The following CDIN1 variants were observed in gnomAD, a reference collection of about 807,000 sequenced individuals.
The protein encoded by CDIN1 is CDAN1 interacting nuclease 1, also known as CDAN1-interacting nuclease 1.
In CDIN1, 33 loss-of-function variants were observed where a neutral mutation model predicts 45.3. The ratio of observed to expected loss-of-function variants is 0.73; its 90% CI spans 0.55 to 0.97. The LOEUF is 0.97. Among genes scored for constraint, CDIN1 ranks in the 50% least tolerant of loss-of-function variants. CDIN1 has a pLI of 0.00. For synonymous variants in CDIN1, 118 were observed against 124.4 expected (o/e 0.95, Z 0.34); for missense variants, 303 against 339.4 (o/e 0.89, Z 0.84).
chr15:36,695,262 A>T (rs2042381662), intron 7 of CDIN1, among the ~76,000 whole-genome samples: 1 of 152,138 alleles, frequency 6.6e-6, no homozygotes, highest in Non-Finnish European at 1.5e-5. Context: ...GCAGTGCATG[A>T]TCAGAATCAG....
At position 36,579,660 on chromosome 15, in the gene CDIN1, G is replaced by C; in HGVS notation, c.-201G>C. The C allele has an allele frequency of 1.9e-6, 1 of 537,174 alleles. No individual in the cohort carries two copies. 33.3% of individuals were successfully genotyped at this position (537,174 alleles called of 1,614,324 possible). ...TACAGCCAGTCCCCGCCGCGGAGGT[G>C]CCGGTGGAGCCTGGGACCGGGCGAG... is the stretch of plus-strand genomic sequence containing the variant. On this transcript the variant is annotated 5_prime_UTR_variant, in exon 1 of 11. Transcript: ENST00000566621.
chr15:36,744,012 A>G (rs2140947968), intron 10 of CDIN1, among the ~76,000 whole-genome samples: 1 of 148,766 alleles, frequency 6.7e-6, no homozygotes, highest in Non-Finnish European at 1.5e-5. Context: ...GTCTCTGAAA[A>G]TTTTGGTTTT....
chr15:36,755,146 T>C (rs2053576138), intron 10 of CDIN1, among the ~76,000 whole-genome samples: 2 of 152,164 alleles, frequency 1.3e-5, no homozygotes, highest in African/African-American at 4.8e-5. Context: ...ATTTTTGAAA[T>C]TGCAGAAGTA....
chr15:36,626,699 G>T, intron 1 of CDIN1: 1 of 423,392 alleles, frequency 2.4e-6, no homozygotes, highest in Non-Finnish European at 4.8e-6. Context: ...GTGGGAGGAG[G>T]TGCTATTCTG....
At chr15:36,625,154 A>G (rs1317468325) in intron 1 of CDIN1, among the ~76,000 whole-genome samples, 11 of 151,820 alleles carry the variant, frequency 7.2e-5, no homozygotes, top group Non-Finnish European at 1.2e-4. Flanking sequence ...GGTGGCGGGC[A>G]CCTGTAGTCC....
At chr15:36,778,562 T>A (rs1460705941) in intron 10 of CDIN1, among the ~76,000 whole-genome samples, 1 of 152,222 alleles carries the variant, frequency 6.6e-6, no homozygotes, top group African/African-American at 2.4e-5. Flanking sequence ...TTAGAATTAA[T>A]CAATAACACC....
chr15:36,800,214 T>C (rs960667561), intron 10 of CDIN1, among the ~76,000 whole-genome samples: 1 of 152,186 alleles, frequency 6.6e-6, no homozygotes, highest in African/African-American at 2.4e-5. Context: ...AAAGTTGCAC[T>C]TTTCATAGCC....
At chr15:36,644,356 G>T (rs1373260347) in intron 2 of CDIN1, 33 bp downstream of exon 2, 37 of 1,595,514 alleles carry the variant, frequency 2.3e-5, no homozygotes, top group Non-Finnish European at 3.2e-5. Context: ...AGGGTTGACA[G>T]GTGCCTAATT....
At chr15:36,763,980 C>T (rs991327208) in intron 10 of CDIN1, among the ~76,000 whole-genome samples, 3 of 152,162 alleles carry the variant, frequency 2.0e-5, no homozygotes, top group African/African-American at 7.2e-5. Context: ...CGTACCAAAA[C>T]AAACCACAAG....
In CDIN1 at chr15:36,618,330, A is replaced by G. The variant is rs144162343; in HGVS notation, c.102-25948A>G. On this transcript the variant is annotated intron_variant, in intron 1 of 10. Transcript: ENST00000566621. ...ATTTTTCAACTGAAAGCATAATCCT[A>G]CAGTAACTGGGGATTAGGAGCAAAC... 2.4e-3 allele frequency: 1,614 copies of G among 676,682 alleles called. 3 individuals carry two copies. Among genetic ancestry groups the G allele is most frequent in the Non-Finnish European group, 3.5e-3 (1,295 of 372,820 alleles). 41.9% of individuals were successfully genotyped at this position (676,682 alleles called of 1,614,324 possible).
chr15:36,617,515 A>G (rs1192162675), intron 1 of CDIN1: 11 of 836,670 alleles, frequency 1.3e-5, no homozygotes, highest in Non-Finnish European at 2.1e-5. Context: ...TCTTTACTTG[A>G]TCTCTCAAAT....
chr15:36,603,656 C>G (rs2038218234), intron 1 of CDIN1, among the ~76,000 whole-genome samples: 1 of 152,044 alleles, frequency 6.6e-6, no homozygotes, highest in Non-Finnish European at 1.5e-5. Flanking sequence ...TCCTACTCTC[C>G]TATTATATCA....
rs78555909 is a variant in CDIN1 at position 36,691,072 on chromosome 15, A to G, written c.347-613A>G. ...TGTGTGTGTGTGTCTCTCTCTGTATATATTTTCCTTATTTAAGATTCTCTC... is the reference window on the plus strand; with the variant it reads ...TGTGTGTGTGTGTCTCTCTCTGTATGTATTTTCCTTATTTAAGATTCTCTC... On this transcript the variant is annotated intron_variant, in intron 5 of 10. Coordinates refer to ENST00000566621, the MANE Select transcript of CDIN1 (RefSeq NM_001321759.2). 2.4e-3 allele frequency: 1,189 copies of G among 495,190 alleles called. 10 individuals carry two copies. Among genetic ancestry groups the G allele is most frequent in the African/African-American group, 0.021 (1,074 of 50,642 alleles). The allele number at this position is 495,190 out of a possible 1,614,324, so 30.7% of individuals were successfully genotyped here. A position where few individuals can be genotyped will look rare whatever the true frequency, so the allele number is the denominator to read the frequency against.
chr15:36,647,539 C>G (rs577569104), intron 3 of CDIN1: 1 of 152,316 alleles, frequency 6.6e-6, no homozygotes, highest in South Asian at 2.1e-4. Flanking sequence ...AACCTGCTGT[C>G]TGACTTTCTG....
At chr15:36,698,994 C>A (rs2042536760) in intron 8 of CDIN1, among the ~76,000 whole-genome samples, 1 of 152,182 alleles carries the variant, frequency 6.6e-6, no homozygotes, top group African/African-American at 2.4e-5. Flanking sequence ...TCTCTACTTG[C>A]AAACAAGTAC....
chr15:36,587,196 T>C (rs1595707180), intron 1 of CDIN1, among the ~76,000 whole-genome samples: 1 of 151,632 alleles, frequency 6.6e-6, no homozygotes, highest in East Asian at 1.9e-4. Flanking sequence ...TTTTGAAGCA[T>C]GTTTTTTTTC....
Position 36,762,819 on chromosome 15 carries a change from A to G in CDIN1, c.717-45505A>G, listed in dbSNP as rs532488065. 1.7e-3 allele frequency among the ~76,000 whole-genome samples: 253 copies of G among 152,280 alleles called. 1 individual carries two copies. The highest frequency in any genetic ancestry group is 4.1e-3 in the Admixed American group (63 of 15,290). ...CATCCATGTCCCTACAAAGGACATGAACTCATCCTTTTTTATGGCTGCATA... is the reference window on the plus strand; with the variant it reads ...CATCCATGTCCCTACAAAGGACATGGACTCATCCTTTTTTATGGCTGCATA... On this transcript the variant is annotated intron_variant, in intron 10 of 10. Transcript: ENST00000566621.
At position 36,584,858 on chromosome 15, in the gene CDIN1, A is replaced by G. The variant is rs191921982; in HGVS notation, c.101+4897A>G. Among the ~76,000 whole-genome samples the G allele has an allele frequency of 4.6e-5, 7 of 152,352 alleles. No homozygotes were observed. The East Asian group carries it at 1.3e-3, about 29-fold the overall frequency. ...CACAGACAGTGGCCCCAGCCAGGAA[A>G]CAATTTTTAAAAATACTCATCAACT... On this transcript the variant is annotated intron_variant, in intron 1 of 10. Transcript: ENST00000566621.
At chr15:36,770,001 T>G (rs2054027914) in intron 10 of CDIN1, among the ~76,000 whole-genome samples, 1 of 152,116 alleles carries the variant, frequency 6.6e-6, no homozygotes, top group Non-Finnish European at 1.5e-5. Context: ...CCCATTTTCT[T>G]TTCTCTCCCC....
Sources: allele counts gnomAD v4.1 joint callset (sites outside exome capture counted in the v4.1 genomes callset), GRCh38; gene constraint gnomAD v4.1.1; transcripts MANE v1.5; gene names NCBI Gene and HGNC (gene_info 2026-07-23, HGNC 2026-07-21).